Variants in NYAP2 observed in about 807,000 individuals in gnomAD.
The protein encoded by NYAP2 is neuronal tyrosine-phosphorylated phosphoinositide-3-kinase adapter 2.
In NYAP2, 23 loss-of-function variants were observed where a neutral mutation model predicts 50.4. The observed-to-expected ratio is 0.46, with a 90% CI of 0.33 to 0.65. The LOEUF (loss-of-function observed/expected upper bound fraction) is 0.65, where lower values mean the gene tolerates loss of function less well. NYAP2 is among the 30% of genes least tolerant of loss of function. NYAP2 has a pLI of 0.02. For missense variants in NYAP2, 885 were observed against 861.0 expected, an observed-to-expected ratio of 1.03 and a Z score of -0.35; for synonymous variants, 394 against 365.2, an observed-to-expected ratio of 1.08 and a Z score of -0.90.
chr2:225,479,392 CTTA>C (rs1484630434), intron 3 of NYAP2, among the ~76,000 whole-genome samples: 1 of 152,138 alleles, frequency 6.6e-6, no homozygotes, highest in Non-Finnish European at 1.5e-5. Flanking sequence ...ACACGATCTA[CTTA>C]TTAAGTGAAT....
the NYAP2 span, among the ~76,000 whole-genome samples, chr2:225,685,364 A>G: frequency 6.6e-6 from 1 of 152,214 alleles, no homozygotes; most frequent in Non-Finnish European, 1.5e-5. Flanking sequence ...ATACTTAGTG[A>G]AAGATATCAA....
At chr2:225,687,956 T>C in the NYAP2 span, among the ~76,000 whole-genome samples, 1 of 152,170 alleles carries the variant, frequency 6.6e-6, no homozygotes, top group African/African-American at 2.4e-5. Flanking sequence ...GGAAGCCTAA[T>C]AAAACTATAA....
At chr2:225,536,300 A>G (rs1691349188) in intron 4 of NYAP2, among the ~76,000 whole-genome samples, 1 of 152,140 alleles carries the variant, frequency 6.6e-6, no homozygotes, top group Non-Finnish European at 1.5e-5. Context: ...AGCCTATGCC[A>G]TTCCCTCTTG....
Position 225,577,019 on chromosome 2 carries a change from CTT to C in NYAP2, c.524-4911_524-4910del, listed in dbSNP as rs11297489. Among the ~76,000 whole-genome samples, 269 of 149,922 alleles carry C rather than the reference CTT, an allele frequency of 1.8e-3. 1 individual carries two copies. Among genetic ancestry groups the C allele is most frequent in the South Asian group, 4.7e-3 (22 of 4,728 alleles). ...TACTAAAGCATGGTTTTACATTACA[CTT>C]TTTTTTTTTTAAATAAGGAAAAAAG... is the stretch of plus-strand genomic sequence containing the variant. On this transcript the variant is annotated intron_variant, in intron 4 of 6. Coordinates refer to ENST00000636099, the Ensembl canonical transcript of NYAP2.
At chr2:225,572,121 G>A (rs1023632632) in intron 4 of NYAP2, among the ~76,000 whole-genome samples, 4 of 152,122 alleles carry the variant, frequency 2.6e-5, no homozygotes, top group Non-Finnish European at 4.4e-5. Flanking sequence ...ATCAGCATTT[G>A]GGTCAAAACC....
At chr2:225,597,523 A>T (rs1203360950) in intron 5 of NYAP2, among the ~76,000 whole-genome samples, 1 of 115,078 alleles carries the variant, frequency 8.7e-6, no homozygotes, top group East Asian at 2.8e-4. Context: ...ATATATATAT[A>T]TATATATGTA....
intron 4 of NYAP2, among the ~76,000 whole-genome samples, chr2:225,553,407 G>A (rs947167909): frequency 3.9e-5 from 6 of 152,232 alleles, no homozygotes. Context: ...TCACAGGGCT[G>A]AACATGGAAG....
intron 4 of NYAP2, among the ~76,000 whole-genome samples, chr2:225,577,624 TA>T (rs1692190396): frequency 6.6e-6 from 1 of 152,134 alleles, no homozygotes; most frequent in Admixed American, 6.5e-5. Context: ...ATTTACTCAA[TA>T]CTTGCACTAA....
the NYAP2 span, among the ~76,000 whole-genome samples, chr2:225,662,415 TATC>T: frequency 6.6e-6 from 1 of 152,232 alleles, no homozygotes; most frequent in East Asian, 1.9e-4. Flanking sequence ...CACACATAGA[TATC>T]AGCTTCCAGA....
At chr2:225,520,433 T>G (rs887099179) in intron 4 of NYAP2, among the ~76,000 whole-genome samples, 44 of 152,292 alleles carry the variant, frequency 2.9e-4, no homozygotes, top group African/African-American at 8.9e-4. Flanking sequence ...TTAATCCATC[T>G]TGAATTGATT....
the NYAP2 span, among the ~76,000 whole-genome samples, chr2:225,664,295 G>A: frequency 2.6e-5 from 4 of 152,150 alleles, no homozygotes; most frequent in African/African-American, 9.7e-5. Flanking sequence ...CAAAAATTCA[G>A]CTTATAATTG....
At chr2:225,518,564 AT>A (rs1559202540) in intron 4 of NYAP2, among the ~76,000 whole-genome samples, 3,352 of 35,744 alleles carry the variant, frequency 0.094, 907 homozygotes, top group African/African-American at 0.12. Flanking sequence ...ATATATATAT[AT>A]ATATTAGCGT....
chr2:225,540,207 C>T (rs1293694702), intron 4 of NYAP2, among the ~76,000 whole-genome samples: 2 of 152,196 alleles, frequency 1.3e-5, no homozygotes, highest in Non-Finnish European at 2.9e-5. Flanking sequence ...CAACCTCTGC[C>T]TGTTACCCAG....
chr2:225,628,795 G>C (rs931664947), intron 6 of NYAP2, among the ~76,000 whole-genome samples: 9 of 152,058 alleles, frequency 5.9e-5, no homozygotes, highest in Non-Finnish European at 1.2e-4. Flanking sequence ...ATTGTGGCTA[G>C]ATATATATTT....
At chr2:225,677,310 G>A in the NYAP2 span, among the ~76,000 whole-genome samples, 2 of 152,192 alleles carry the variant, frequency 1.3e-5, no homozygotes, top group South Asian at 4.2e-4. Context: ...GGAGCTTTTC[G>A]GTGGAGTCTT....
At chr2:225,508,266 T>A (rs1321107436) in intron 3 of NYAP2, among the ~76,000 whole-genome samples, 1 of 152,204 alleles carries the variant, frequency 6.6e-6, no homozygotes, top group Non-Finnish European at 1.5e-5. Context: ...CCCACATAAC[T>A]TTCACTTCCA....
chr2:225,657,286 A>G (rs752939228), downstream of NYAP2, among the ~76,000 whole-genome samples: 1 of 151,736 alleles, frequency 6.6e-6, no homozygotes, highest in Non-Finnish European at 1.5e-5. Context: ...AATTTTTTGT[A>G]TTTTTAGTAG....
chr2:225,676,458 G>T, the NYAP2 span, among the ~76,000 whole-genome samples: 1 of 152,028 alleles, frequency 6.6e-6, no homozygotes, highest in African/African-American at 2.4e-5. Context: ...TTATATGGTT[G>T]TAGACTGGGC....
At chr2:225,537,522 A>G (rs1276873475) in intron 4 of NYAP2, among the ~76,000 whole-genome samples, 2 of 152,110 alleles carry the variant, frequency 1.3e-5, no homozygotes, top group East Asian at 3.9e-4. Context: ...CCTTATAATA[A>G]CCATCAGATC....
Sources: allele counts gnomAD v4.1 joint callset (sites outside exome capture counted in the v4.1 genomes callset), GRCh38; gene constraint gnomAD v4.1.1; transcripts MANE v1.5; gene names NCBI Gene and HGNC (gene_info 2026-07-23, HGNC 2026-07-21).